Variants in EYA2 observed in about 807,000 individuals in gnomAD.
EYA2 encodes EYA transcriptional coactivator and phosphatase 2.
EYA2 carries 31 observed loss-of-function variants against 69.2 expected under a neutral mutation model. That is an observed-to-expected ratio of 0.45 (90% CI 0.34 to 0.60). EYA2 has a LOEUF of 0.60. Ranked by LOEUF, EYA2 falls within the 20% of genes least tolerant of loss-of-function variation. EYA2 has a pLI of 0.02. For synonymous variants in EYA2, 257 were observed against 279.4 expected (o/e 0.92, Z 0.80); for missense variants, 622 against 701.2 (o/e 0.89, Z 1.28).
At chr20:47,077,705 TA>T (rs2031567498) in intron 7 of EYA2, among the ~76,000 whole-genome samples, 1 of 152,250 alleles carries the variant, frequency 6.6e-6, no homozygotes, top group South Asian at 2.1e-4. Flanking sequence ...GTCAACTTTT[TA>T]AAAGGTTTAG....
chr20:47,147,373 A>G (rs2033724419), intron 10 of EYA2, among the ~76,000 whole-genome samples: 1 of 152,084 alleles, frequency 6.6e-6, no homozygotes, highest in Non-Finnish European at 1.5e-5. Context: ...ACTTTTGAGC[A>G]AAGACCTGAA....
intron 9 of EYA2, chr20:47,117,595 C>A (rs1034482564): frequency 1.0e-6 from 1 of 969,312 alleles, no homozygotes; most frequent in Non-Finnish European, 1.2e-6. Context: ...ATCCAGTTGG[C>A]GATAGGCGGC....
At chr20:47,187,945 C>T (rs1056294255) in intron 15 of EYA2, 108 bp from the exon 16 acceptor site, 5 of 1,178,978 alleles carry the variant, frequency 4.2e-6, no homozygotes, top group East Asian at 5.1e-5. Context: ...GAAGTCCCCA[C>T]GTGCTAGACT....
intron 5 of EYA2, among the ~76,000 whole-genome samples, chr20:47,020,037 A>T (rs1983654126): frequency 6.6e-6 from 1 of 151,228 alleles, no homozygotes; most frequent in African/African-American, 2.4e-5. Flanking sequence ...CAGGAAGCTG[A>T]GGTGGAAGGA....
chr20:46,972,989 T>C (rs1200745522), intron 1 of EYA2, among the ~76,000 whole-genome samples: 1 of 152,164 alleles, frequency 6.6e-6, no homozygotes, highest in East Asian at 1.9e-4. Context: ...CCACAAACAT[T>C]AGTGGATGAA....
intron 1 of EYA2, 112 bp from the exon 2 acceptor site, chr20:46,989,889 C>G: frequency 1.9e-6 from 1 of 537,154 alleles, no homozygotes. Context: ...TATAAGAAGT[C>G]TGGGTTTAGG....
chr20:47,064,580 A>G (rs1257685423), intron 5 of EYA2, among the ~76,000 whole-genome samples: 3 of 152,126 alleles, frequency 2.0e-5, no homozygotes, highest in Non-Finnish European at 4.4e-5. Flanking sequence ...ACAGCTTTTT[A>G]TGCACCGTTT....
At chr20:47,097,689 A>G (rs2032294062) in intron 9 of EYA2, among the ~76,000 whole-genome samples, 1 of 152,230 alleles carries the variant, frequency 6.6e-6, no homozygotes, top group Admixed American at 6.5e-5. Flanking sequence ...TTAGAATTCT[A>G]GGCAAATGCT....
chr20:46,907,440 A>G (rs548294535), intron 1 of EYA2, among the ~76,000 whole-genome samples: 12 of 152,330 alleles, frequency 7.9e-5, no homozygotes, highest in South Asian at 2.1e-4. Context: ...GGTCTTGCCC[A>G]TGGCCACATG....
At chr20:47,156,091 C>CAT in intron 10 of EYA2, among the ~76,000 whole-genome samples, 3 of 12,582 alleles carry the variant, frequency 2.4e-4, no homozygotes, top group South Asian at 3.2e-3. Flanking sequence ...TATATACATA[C>CAT]ACACACACAC....
intron 9 of EYA2, among the ~76,000 whole-genome samples, chr20:47,129,027 G>A (rs965064256): frequency 1.3e-5 from 2 of 152,180 alleles, no homozygotes; most frequent in Non-Finnish European, 1.5e-5. Context: ...AGGAGGCTGA[G>A]GCAGGAGAAT....
intron 1 of EYA2, among the ~76,000 whole-genome samples, chr20:46,921,964 A>G (rs1250268634): frequency 6.6e-6 from 1 of 152,166 alleles, no homozygotes; most frequent in Non-Finnish European, 1.5e-5. Flanking sequence ...ACTCCCTTTC[A>G]TGTATGAAAC....
intron 9 of EYA2, among the ~76,000 whole-genome samples, chr20:47,129,857 T>G (rs1446457793): frequency 6.6e-6 from 1 of 152,204 alleles, no homozygotes; most frequent in East Asian, 1.9e-4. Context: ...AGCAAAGCTC[T>G]GATAAGAATT....
intron 1 of EYA2, among the ~76,000 whole-genome samples, chr20:46,941,224 A>C (rs1986142426): frequency 6.6e-6 from 1 of 152,208 alleles, no homozygotes; most frequent in African/African-American, 2.4e-5. Context: ...CAGGTGAGCC[A>C]TGCACCCTAT....
At chr20:47,178,821 G>GTGAGTGGATGGATGGATGT (rs2034475377) in intron 12 of EYA2, among the ~76,000 whole-genome samples, 1 of 108,944 alleles carries the variant, frequency 9.2e-6, no homozygotes, top group African/African-American at 4.0e-5. Flanking sequence ...GGATGGGTGG[G>GTGAGTGGATGGATGGATGT]TGGGTGGATG....
chr20:47,127,705 C>A (rs2146570808), intron 9 of EYA2, among the ~76,000 whole-genome samples: 1 of 152,340 alleles, frequency 6.6e-6, no homozygotes, highest in South Asian at 2.1e-4. Flanking sequence ...GGGCTCAGAG[C>A]TGTGTCTGAA....
At chr20:47,168,856 C>T (rs548404559) in intron 10 of EYA2, among the ~76,000 whole-genome samples, 1 of 152,226 alleles carries the variant, frequency 6.6e-6, no homozygotes, top group African/African-American at 2.4e-5. Context: ...TAATACCATC[C>T]CCCTTTAATG....
intron 1 of EYA2, among the ~76,000 whole-genome samples, chr20:46,987,970 A>C (rs1366009134): frequency 0.026 from 659 of 25,736 alleles, 10 homozygotes; most frequent in African/African-American, 0.05. Flanking sequence ...CTCTCTATAT[A>C]TATATATATA....
intron 1 of EYA2, among the ~76,000 whole-genome samples, chr20:46,975,354 G>A (rs1980396766): frequency 6.6e-6 from 1 of 152,138 alleles, no homozygotes; most frequent in Non-Finnish European, 1.5e-5. Context: ...GCAACTTTTT[G>A]TGAATCTAAA....
Sources: allele counts gnomAD v4.1 joint callset (sites outside exome capture counted in the v4.1 genomes callset), GRCh38; gene constraint gnomAD v4.1.1; transcripts MANE v1.5; gene names NCBI Gene and HGNC (gene_info 2026-07-23, HGNC 2026-07-21).